The following PARP8 variants were observed in gnomAD, a reference collection of about 807,000 sequenced individuals.
PARP8 encodes poly(ADP-ribose) polymerase family member 8.
In PARP8, 51 loss-of-function variants were observed where a neutral mutation model predicts 124.1. The ratio of observed to expected loss-of-function variants is 0.41; its 90% CI spans 0.33 to 0.52. The LOEUF is 0.52. PARP8 is among the 20% of genes least tolerant of loss of function. The pLI is 0.21. For missense variants in PARP8, 860 were observed against 1,018.9 expected, an observed-to-expected ratio of 0.84 and a Z score of 2.12; for synonymous variants, 391 against 361.5, an observed-to-expected ratio of 1.08 and a Z score of -0.93.
rs1161943575 is a variant in PARP8 at position 50,686,023 on chromosome 5, CCAAT to C, written c.146+17901_146+17904del. 2.0e-5 allele frequency among the ~76,000 whole-genome samples: 3 copies of C among 152,178 alleles called. No individual in the cohort carries two copies. In the East Asian group the frequency reaches 5.8e-4, roughly 29 times the overall value. Reference sequence around the variant, plus strand: ...AATCTCATGTCCTCACATTTCAAAACCAATCATGCCTTCCCAACAGTCCCCCAAA... The same window carrying C: ...AATCTCATGTCCTCACATTTCAAAACCATGCCTTCCCAACAGTCCCCCAAA... On this transcript the variant is annotated intron_variant, in intron 2 of 25. Transcript: ENST00000281631.
intron 15 of PARP8, among the ~76,000 whole-genome samples, chr5:50,816,413 C>T (rs1195322642): frequency 1.3e-5 from 2 of 152,088 alleles, no homozygotes; most frequent in African/African-American, 2.4e-5. Context: ...AACTATAGGA[C>T]AGTAAAATTT....
Position 50,829,855 on chromosome 5 carries a change from A to G in PARP8, c.2164-37A>G, listed in dbSNP as rs542704564. The G allele has an allele frequency of 2.4e-5, 37 of 1,558,934 alleles. 1 individual carries two copies. In the South Asian group the frequency reaches 4.0e-4, roughly 17 times the overall value. On this transcript the variant is annotated intron_variant, in intron 21 of 25. Coordinates refer to ENST00000281631, the MANE Select transcript of PARP8 (RefSeq NM_024615.4). ...TCAAATATTATCATTTAAACCATGA[A>G]CAGACCTCTCTCTCTCTCCCACTCT...
chr5:50,826,881 A>G, intron 19 of PARP8, 78 bp downstream of exon 19: 4 of 1,529,914 alleles, frequency 2.6e-6, no homozygotes, highest in Admixed American at 2.5e-5. Flanking sequence ...CCTACCTTGT[A>G]ATTTTTAGCC....
In PARP8 at chr5:50,744,755, G is replaced by C. The variant is rs1272986850; in HGVS notation, c.147-5396G>C. The stretch of plus-strand genomic sequence containing the variant: ...GAATAGGAATTCAGAGCTTGCTCCA[G>C]GGATGTGAGGACAAAAGATGAGTAT... On this transcript the variant is annotated intron_variant, in intron 2 of 25. Transcript: ENST00000281631. The C allele has an allele frequency of 4.3e-6, 3 of 701,512 alleles. No homozygotes were observed. The Admixed American group carries it at 6.0e-5, about 14-fold the overall frequency. 43.5% of individuals were successfully genotyped at this position (701,512 alleles called of 1,614,324 possible). A position where few individuals can be genotyped will look rare whatever the true frequency, so the allele number is the denominator to read the frequency against.
chr5:50,769,950 T>C (rs1761435790), intron 7 of PARP8, among the ~76,000 whole-genome samples: 2 of 152,104 alleles, frequency 1.3e-5, no homozygotes, highest in Non-Finnish European at 2.9e-5. Flanking sequence ...ACATTTTTCA[T>C]AAAATAAGTT....
At position 50,750,198 on chromosome 5, in the gene PARP8, T is replaced by G; in HGVS notation, c.184+10T>G. On this transcript the variant is annotated intron_variant, in intron 3 of 25. Transcript: ENST00000281631. ...TCTGAAGATTACCCAGGTATGCTTT[T>G]CTTGTTTTATTACAGATATTCGTAT... 5 of 1,578,052 alleles carry G rather than the reference T, an allele frequency of 3.2e-6. No homozygotes were observed. The highest frequency in any genetic ancestry group is 4.4e-6 in the Non-Finnish European group (5 of 1,148,552).
intron 7 of PARP8, among the ~76,000 whole-genome samples, chr5:50,764,340 CT>C (rs1326384112): frequency 3.3e-5 from 5 of 152,248 alleles, no homozygotes; most frequent in African/African-American, 4.8e-5. Flanking sequence ...TGCCGGCTTC[CT>C]GATTATTTTC....
At chr5:50,751,188 G>A (rs1005803102) in intron 3 of PARP8, among the ~76,000 whole-genome samples, 7 of 152,090 alleles carry the variant, frequency 4.6e-5, no homozygotes, top group African/African-American at 1.4e-4. Context: ...CAGGATGTAT[G>A]GTAGAAGATG....
intron 2 of PARP8, among the ~76,000 whole-genome samples, chr5:50,670,424 A>G (rs567575369): frequency 1.3e-5 from 2 of 152,376 alleles, no homozygotes; most frequent in African/African-American, 4.8e-5. Flanking sequence ...AATGAGATAC[A>G]TGGTATTTTA....
intron 25 of PARP8, among the ~76,000 whole-genome samples, chr5:50,839,750 C>A (rs1385519053): frequency 6.6e-6 from 1 of 151,594 alleles, no homozygotes; most frequent in Non-Finnish European, 1.5e-5. Flanking sequence ...CCTCTGTGCT[C>A]TTTCAGTCTT....
intron 3 of PARP8, among the ~76,000 whole-genome samples, chr5:50,755,822 G>A (rs1453227778): frequency 1.3e-5 from 2 of 152,186 alleles, no homozygotes; most frequent in Non-Finnish European, 2.9e-5. Flanking sequence ...AGCATGGAAT[G>A]TTCTTCCATT....
rs1388593060 is a variant in PARP8, at chr5:50,838,584, T to C, written c.2463-3382T>C. 2.6e-5 allele frequency among the ~76,000 whole-genome samples: 4 copies of C among 152,062 alleles called. No individual in the cohort carries two copies. In the East Asian group the frequency reaches 5.8e-4, roughly 22 times the overall value. On this transcript the variant is annotated intron_variant, in intron 25 of 25. Transcript: ENST00000281631. ...TGTACAGCCTACATTCCTATGCATA[T>C]AAAATTCTAAGATCATACTATTTAT...
intron 3 of PARP8, among the ~76,000 whole-genome samples, chr5:50,758,059 A>G (rs1760155460): frequency 6.6e-6 from 1 of 152,148 alleles, no homozygotes; most frequent in South Asian, 2.1e-4. Context: ...CTGAGTGAGG[A>G]TTTAAGACAT....
In PARP8 at chr5:50,770,959, T is replaced by C. The variant is rs139638185; in HGVS notation, c.519-7110T>C. On this transcript the variant is annotated intron_variant, in intron 7 of 25. Coordinates refer to ENST00000281631, the MANE Select transcript of PARP8 (RefSeq NM_024615.4). ...TCCTTTAAGATTAATGTTTATCATG[T>C]AGTACAGACATTATAGATGCTTTGA... Among the ~76,000 whole-genome samples, 299 of 152,220 alleles carry C rather than the reference T, an allele frequency of 2.0e-3. 3 individuals are homozygous for C. The highest frequency in any genetic ancestry group is 6.8e-3 in the African/African-American group (283 of 41,554).
Position 50,842,270 on chromosome 5 carries a change from A to G in PARP8, c.*202A>G. On this transcript the variant is annotated 3_prime_UTR_variant, in exon 26 of 26. Transcript: ENST00000281631. Reference sequence around the variant, plus strand: ...GATTTATCAATTGTAGGGTTATGGAATCTAGTAATAAAATTTCAACAGCAC... The same window carrying G: ...GATTTATCAATTGTAGGGTTATGGAGTCTAGTAATAAAATTTCAACAGCAC... The G allele has an allele frequency of 5.2e-6, 2 of 384,642 alleles. No homozygotes were observed. Among genetic ancestry groups the G allele is most frequent in the Non-Finnish European group, 4.6e-6 (1 of 215,698 alleles). The allele number at this position is 384,642 out of a possible 1,614,324, so 23.8% of individuals were successfully genotyped here.
At chr5:50,788,470 G>A in intron 9 of PARP8, 53 bp from the exon 10 acceptor site, 1 of 1,526,452 alleles carries the variant, frequency 6.6e-7, no homozygotes, top group South Asian at 1.1e-5. Context: ...CTGGCTGATG[G>A]TTGAGTTTCA....
intron 2 of PARP8, chr5:50,744,909 A>G (rs1358061776): frequency 6.5e-6 from 4 of 617,458 alleles, no homozygotes; most frequent in East Asian, 2.7e-5. Context: ...TGTACAGCAC[A>G]TACTAACAGT....
chr5:50,709,704 T>A (rs968519669), intron 2 of PARP8, among the ~76,000 whole-genome samples: 5 of 151,726 alleles, frequency 3.3e-5, no homozygotes, highest in Non-Finnish European at 7.4e-5. Context: ...AATTTGCTCG[T>A]TCCACAAAAA....
At position 50,832,809 on chromosome 5, in the gene PARP8, C is replaced by G; in HGVS notation, c.2262C>G (p.Ala754=). The change falls in exon 23 of 26, where the codon GCC becomes GCG. Residue 754 remains alanine, a synonymous_variant. Coordinates refer to ENST00000281631, the MANE Select transcript of PARP8 (RefSeq NM_024615.4). ...SGMNKKQKVS[A]KDEPASSSKS... Reference sequence around the variant, plus strand: ...TGAACAAGAAACAGAAGGTGTCAGCCAAGGACGAGCCAGCTTCAAGCAGTA... The same window carrying G: ...TGAACAAGAAACAGAAGGTGTCAGCGAAGGACGAGCCAGCTTCAAGCAGTA... 6.2e-7 allele frequency: 1 copy of G among 1,613,416 alleles called. No homozygotes were observed. Among genetic ancestry groups the G allele is most frequent in the African/African-American group, 1.3e-5 (1 of 74,968 alleles).
Sources: gnomAD v4.1 joint callset for allele counts (sites outside exome capture counted in the v4.1 genomes callset) on GRCh38, gnomAD v4.1.1 for gene constraint, MANE v1.5 for transcripts, NCBI Gene and HGNC (gene_info 2026-07-23, HGNC 2026-07-21) for gene names.